PGAP2: variants seen among roughly 807,000 people sequenced by gnomAD.
PGAP2 encodes acyltransferase PGAP2.
In PGAP2, 21 loss-of-function variants were observed where a neutral mutation model predicts 33.2. That is an observed-to-expected ratio of 0.63 (90% CI 0.45 to 0.91). PGAP2 has a LOEUF of 0.91. Among genes scored for constraint, PGAP2 ranks in the 40% least tolerant of loss-of-function variants. PGAP2 has a pLI of 0.00. For synonymous variants in PGAP2, 161 were observed against 172.9 expected (o/e 0.93, Z 0.54); for missense variants, 345 against 424.0 (o/e 0.81, Z 1.64).
At chr11:3,813,537 CCATG>C (rs1191519748) in intron 2 of PGAP2, among the ~76,000 whole-genome samples, 1 of 152,176 alleles carries the variant, frequency 6.6e-6, no homozygotes, top group African/African-American at 2.4e-5. Context: ...GTATGCACAA[CCATG>C]CCCAGCTAAT....
chr11:3,804,166 A>G (rs112455431), upstream of PGAP2, among the ~76,000 whole-genome samples: 1,155 of 152,222 alleles, frequency 7.6e-3, 13 homozygotes, highest in African/African-American at 0.026. Context: ...CTCCCTAGAA[A>G]TTACCACATG....
In PGAP2 at chr11:3,808,650, G is replaced by C; in HGVS notation, c.-12G>C. 8.0e-7 allele frequency: 1 copy of C among 1,256,966 alleles called. No homozygotes were observed. Among genetic ancestry groups the C allele is most frequent in the Non-Finnish European group, 1.0e-6 (1 of 994,316 alleles). 77.9% of individuals were successfully genotyped at this position (1,256,966 alleles called of 1,614,324 possible). A position where few individuals can be genotyped will look rare whatever the true frequency, so the allele number is the denominator to read the frequency against. On this transcript the variant is annotated splice_region_variant and 5_prime_UTR_variant, in exon 1 of 7. Coordinates refer to ENST00000278243, the MANE Select transcript of PGAP2 (RefSeq NM_014489.4). ...GCCGGCACTCTCGCCACCACCGCGT[G>C]GGTGAGTATGGGCATGGATGTGCTG...
intron 1 of PGAP2, 80 bp downstream of exon 1, chr11:3,808,731 C>A: frequency 1.4e-6 from 1 of 709,016 alleles, no homozygotes; most frequent in Non-Finnish European, 1.8e-6. Context: ...CTCTGCAGGG[C>A]CGGGCCCCAC....
intron 3 of PGAP2, chr11:3,823,100 A>T: frequency 1.7e-6 from 1 of 576,776 alleles, no homozygotes; most frequent in South Asian, 2.5e-5. Context: ...GCAGTGGCAC[A>T]ATCTCGGCTC....
chr11:3,811,409 G>T lies in PGAP2; in HGVS notation c.150G>T (p.Thr50=), dbSNP rs771207485. ...WSLLFHFKET[T]ATHCGATPCR... ...TGCTCTTCCACTTCAAGGAGACAAC[G>T]GCCACACACTGTGGGGTAGGGCATG... The change falls in exon 2 of 7, where the codon ACG becomes ACT. Residue 50 remains threonine (T), a synonymous_variant. Transcript: ENST00000278243. This position sits in a 1 kb window ranked among gnomAD's most constrained non-coding sequence, Gnocchi z 4.6. 6.2e-7 allele frequency: 1 copy of T among 1,613,900 alleles called. No individual in the cohort carries two copies. The highest frequency in any genetic ancestry group is 1.7e-5 in the Admixed American group (1 of 60,016).
At chr11:3,815,237 C>G (rs2086731493) in intron 2 of PGAP2, among the ~76,000 whole-genome samples, 1 of 152,084 alleles carries the variant, frequency 6.6e-6, no homozygotes, top group African/African-American at 2.4e-5. Context: ...TAGAACTATT[C>G]TCTCCTCGTG....
At chr11:3,824,472 G>A in intron 5 of PGAP2, 96 bp downstream of exon 5, 1 of 1,590,584 alleles carries the variant, frequency 6.3e-7, no homozygotes, top group Non-Finnish European at 8.6e-7. Flanking sequence ...TGGGAACTGA[G>A]TTCTAATGGG....
upstream of PGAP2, among the ~76,000 whole-genome samples, chr11:3,805,115 C>G (rs1403281355): frequency 6.6e-6 from 1 of 152,108 alleles, no homozygotes; most frequent in Non-Finnish European, 1.5e-5. Flanking sequence ...CAGCCAAGGT[C>G]AGACAATACA....
At chr11:3,819,007 A>C (rs1308187727) in intron 3 of PGAP2, among the ~76,000 whole-genome samples, 1 of 152,096 alleles carries the variant, frequency 6.6e-6, no homozygotes, top group Non-Finnish European at 1.5e-5. Context: ...AGAGCTTTGG[A>C]AAGATTTTAG....
intron 3 of PGAP2, among the ~76,000 whole-genome samples, chr11:3,822,696 GC>G (rs2089090852): frequency 1.3e-5 from 2 of 152,184 alleles, no homozygotes; most frequent in Non-Finnish European, 2.9e-5. Context: ...CAAGCCTTCT[GC>G]ATTTTCAAAC....
intron 2 of PGAP2, among the ~76,000 whole-genome samples, chr11:3,815,058 C>G (rs569270153): frequency 6.6e-6 from 1 of 151,786 alleles, no homozygotes; most frequent in South Asian, 2.1e-4. Flanking sequence ...ATGCCTCAGC[C>G]TCCCGAGTAG....
chr11:3,817,720 C>T, intron 3 of PGAP2, 185 bp downstream of exon 3: 1 of 703,224 alleles, frequency 1.4e-6, no homozygotes, highest in Middle Eastern at 2.3e-4. Flanking sequence ...AATAGAATCA[C>T]AGTCCTCCCT....
chr11:3,800,425 G>C (rs192047916), intron 1 of PGAP2, among the ~76,000 whole-genome samples: 2 of 152,330 alleles, frequency 1.3e-5, no homozygotes, highest in East Asian at 1.9e-4. Context: ...GTTGGACTTT[G>C]AGTCAGAGAA....
chr11:3,820,111 C>T (rs2088173141), intron 3 of PGAP2, among the ~76,000 whole-genome samples: 1 of 152,152 alleles, frequency 6.6e-6, no homozygotes. Flanking sequence ...CTTAAAGTAG[C>T]TGAGACTGGG....
At chr11:3,805,215 C>G (rs1164213730), upstream of PGAP2, among the ~76,000 whole-genome samples, 1 of 151,506 alleles carries the variant, frequency 6.6e-6, no homozygotes, top group Non-Finnish European at 1.5e-5. Context: ...GGCTGGCACA[C>G]TGCTACATTA....
At chr11:3,819,206 C>T (rs1431044068) in intron 3 of PGAP2, among the ~76,000 whole-genome samples, 2 of 152,150 alleles carry the variant, frequency 1.3e-5, no homozygotes, top group African/African-American at 4.8e-5. Context: ...TGCATGCCAC[C>T]ATGCCTGGCT....
At chr11:3,814,353 T>G (rs1442972942) in intron 2 of PGAP2, among the ~76,000 whole-genome samples, 2 of 152,104 alleles carry the variant, frequency 1.3e-5, no homozygotes, top group Admixed American at 6.5e-5. Context: ...GCCTCTTGGG[T>G]TCAAGCAATT....
intron 1 of PGAP2, chr11:3,798,091 C>T: frequency 6.7e-7 from 1 of 1,494,386 alleles, no homozygotes; most frequent in Non-Finnish European, 8.8e-7. Context: ...CCTGAGGGCC[C>T]TCTTGGAAGG....
chr11:3,811,972 G>A lies in PGAP2; in HGVS notation c.165+548G>A, dbSNP rs529599139. 8.5e-5 allele frequency among the ~76,000 whole-genome samples: 13 copies of A among 152,148 alleles called. No individual in the cohort carries two copies. Among genetic ancestry groups the A allele is most frequent in the Admixed American group, 8.5e-4 (13 of 15,280 alleles). On this transcript the variant is annotated intron_variant, in intron 2 of 6. Coordinates refer to ENST00000278243, the MANE Select transcript of PGAP2 (RefSeq NM_014489.4). This position sits in a 1 kb window ranked among gnomAD's most constrained non-coding sequence, Gnocchi z 4.6. ...GGTCATGACTGTATATAATGGGTTT[G>A]AGTGGGTCGTGTGTGAGAGAGACTA...
Sources: allele counts gnomAD v4.1 joint callset (sites outside exome capture counted in the v4.1 genomes callset), GRCh38; gene constraint gnomAD v4.1.1; non-coding constraint Gnocchi (gnomAD v3.1); transcripts MANE v1.5; gene names NCBI Gene and HGNC (gene_info 2026-07-23, HGNC 2026-07-21).